Variants in XRCC4 observed in about 807,000 individuals in gnomAD.
The protein encoded by XRCC4 is DNA repair protein XRCC4.
XRCC4 carries 28 observed loss-of-function variants against 39.1 expected under a neutral mutation model. The observed-to-expected ratio is 0.72, with a 90% CI of 0.53 to 0.98. XRCC4 has a LOEUF of 0.98. Ranked by LOEUF, XRCC4 falls within the 50% of genes least tolerant of loss-of-function variation. The pLI, the probability that XRCC4 is intolerant of heterozygous loss-of-function variation, is 0.00. For synonymous variants in XRCC4, 123 were observed against 126.4 expected (o/e 0.97, Z 0.18); for missense variants, 350 against 376.4 (o/e 0.93, Z 0.58).
chr5:83,259,801 G>A (rs1315277231), intron 7 of XRCC4, among the ~76,000 whole-genome samples: 3 of 151,356 alleles, frequency 2.0e-5, no homozygotes, highest in African/African-American at 7.4e-5. Flanking sequence ...AAAATGTGGA[G>A]TCAAAACTCT....
intron 7 of XRCC4, among the ~76,000 whole-genome samples, chr5:83,261,340 C>T (rs1157137874): frequency 1.3e-5 from 2 of 151,994 alleles, no homozygotes; most frequent in African/African-American, 4.8e-5. Flanking sequence ...TCATCAAAAA[C>T]ATAAACATCA....
intron 7 of XRCC4, among the ~76,000 whole-genome samples, chr5:83,309,296 A>AAAAAATATATATAT (rs1561467702): frequency 1.4e-5 from 1 of 72,216 alleles, no homozygotes; most frequent in African/African-American, 8.5e-5. Flanking sequence ...AAAAAAAAAA[A>AAAAAATATATATAT]ATATATATAT....
At chr5:83,129,236 C>T (rs1356620655) in intron 3 of XRCC4, among the ~76,000 whole-genome samples, 1 of 142,552 alleles carries the variant, frequency 7.0e-6, no homozygotes, top group African/African-American at 2.7e-5. Context: ...ATAGGGAATC[C>T]TTTCCCCATT....
At chr5:83,285,726 A>C (rs1035071972) in intron 7 of XRCC4, among the ~76,000 whole-genome samples, 4 of 152,100 alleles carry the variant, frequency 2.6e-5, no homozygotes, top group African/African-American at 7.2e-5. Flanking sequence ...TTTCATTGAC[A>C]ATAGCACTGG....
At chr5:83,330,827 G>A (rs2112165287) in intron 7 of XRCC4, among the ~76,000 whole-genome samples, 1 of 152,160 alleles carries the variant, frequency 6.6e-6, no homozygotes, top group East Asian at 1.9e-4. Flanking sequence ...ATGCTGGTAA[G>A]AAAACATTTT....
intron 6 of XRCC4, among the ~76,000 whole-genome samples, chr5:83,232,924 A>G (rs1192930104): frequency 2.0e-5 from 3 of 152,176 alleles, no homozygotes; most frequent in Non-Finnish European, 4.4e-5. Context: ...AGGTTACACA[A>G]CTAGCAAGAG....
At chr5:83,174,080 G>A (rs1749846283) in intron 3 of XRCC4, among the ~76,000 whole-genome samples, 1 of 152,142 alleles carries the variant, frequency 6.6e-6, no homozygotes, top group South Asian at 2.1e-4. Context: ...ACCGTGCTAA[G>A]AAGGGGCTTT....
chr5:83,122,554 GC>G (rs1318026575), intron 3 of XRCC4, among the ~76,000 whole-genome samples: 1 of 152,064 alleles, frequency 6.6e-6, no homozygotes, highest in African/African-American at 2.4e-5. Context: ...CAATTACTCA[GC>G]AATTGTTTGT....
At chr5:83,114,314 A>T (rs769115481) in intron 3 of XRCC4, among the ~76,000 whole-genome samples, 11 of 151,910 alleles carry the variant, frequency 7.2e-5, no homozygotes, top group Non-Finnish European at 1.5e-4. Context: ...GCAGGCTTGA[A>T]TTTTTCCCCC....
At chr5:83,173,408 T>C (rs1022794906) in intron 3 of XRCC4, among the ~76,000 whole-genome samples, 1 of 152,316 alleles carries the variant, frequency 6.6e-6, no homozygotes, top group South Asian at 2.1e-4. Context: ...AAGTTACTTC[T>C]TTATAAATCT....
intron 6 of XRCC4, among the ~76,000 whole-genome samples, chr5:83,256,716 CT>C (rs1753555864): frequency 6.6e-6 from 1 of 150,760 alleles, no homozygotes; most frequent in African/African-American, 2.4e-5. Flanking sequence ...AAAAAAAGTC[CT>C]AAAATTTAAA....
chr5:83,210,027 T>C (rs577058225), intron 6 of XRCC4, among the ~76,000 whole-genome samples: 16 of 152,246 alleles, frequency 1.1e-4, no homozygotes, highest in African/African-American at 3.6e-4. Context: ...GGAAGTGTGA[T>C]TATAGAATAG....
chr5:83,231,864 T>G (rs1473360831), intron 6 of XRCC4, among the ~76,000 whole-genome samples: 1 of 152,124 alleles, frequency 6.6e-6, no homozygotes. Flanking sequence ...TGACTGTGGT[T>G]GATTATAAAC....
chr5:83,293,613 A>G (rs13178127), intron 7 of XRCC4, among the ~76,000 whole-genome samples: 4,988 of 152,066 alleles, frequency 0.033, 143 homozygotes, highest in Non-Finnish European at 0.053. Flanking sequence ...CACATCCTCT[A>G]ATATCGAACC....
chr5:83,284,159 G>A (rs3777031), intron 7 of XRCC4, among the ~76,000 whole-genome samples: 8,760 of 145,740 alleles, frequency 0.06, 361 homozygotes, highest in South Asian at 0.15. Context: ...GTTTGTTATT[G>A]ATGATCCTAT....
chr5:83,208,713 G>A (rs1461927406), intron 6 of XRCC4, among the ~76,000 whole-genome samples: 2 of 151,896 alleles, frequency 1.3e-5, no homozygotes, highest in Non-Finnish European at 2.9e-5. Flanking sequence ...TGGCTAAAAG[G>A]AAATCCCCAA....
At chr5:83,119,319 A>C (rs772209924) in intron 3 of XRCC4, among the ~76,000 whole-genome samples, 19 of 152,194 alleles carry the variant, frequency 1.2e-4, no homozygotes, top group Non-Finnish European at 2.5e-4. Context: ...AATGCCTGAA[A>C]AGGAAATCAT....
At chr5:83,195,087 G>C (rs575055383) in intron 3 of XRCC4, among the ~76,000 whole-genome samples, 8 of 152,068 alleles carry the variant, frequency 5.3e-5, no homozygotes, top group Non-Finnish European at 1.0e-4. Flanking sequence ...CAGCCAAATG[G>C]GGAATACCTG....
At chr5:83,313,016 C>G (rs181717111) in intron 7 of XRCC4, among the ~76,000 whole-genome samples, 20 of 151,778 alleles carry the variant, frequency 1.3e-4, no homozygotes, top group African/African-American at 4.8e-4. Flanking sequence ...ACTCTTAAAT[C>G]TACTGCTGAT....
Sources: allele counts gnomAD v4.1 joint callset (sites outside exome capture counted in the v4.1 genomes callset), GRCh38; gene constraint gnomAD v4.1.1; transcripts MANE v1.5; gene names NCBI Gene and HGNC (gene_info 2026-07-23, HGNC 2026-07-21).